The following LMLN variants were observed in gnomAD, a reference collection of about 807,000 sequenced individuals.
LMLN encodes leishmanolysin-like peptidase.
Under a neutral mutation model 92.3 loss-of-function variants are expected in LMLN, and 70 were observed. The observed-to-expected ratio is 0.76, with a 90% CI of 0.63 to 0.92. The LOEUF is 0.92. Among genes scored for constraint, LMLN ranks in the 40% least tolerant of loss-of-function variants. The probability of loss-of-function intolerance (pLI) is 0.00; values close to 1 mark genes in which losing one functional copy is unlikely to be tolerated. For missense variants in LMLN, 691 were observed against 814.6 expected, an observed-to-expected ratio of 0.85 and a Z score of 1.85; for synonymous variants, 308 against 296.2, an observed-to-expected ratio of 1.04 and a Z score of -0.41.
intron 1 of LMLN, among the ~76,000 whole-genome samples, chr3:197,964,654 C>T (rs1027519049): frequency 1.3e-5 from 2 of 151,584 alleles, no homozygotes; most frequent in African/African-American, 4.8e-5. Flanking sequence ...GCCCTGGCCT[C>T]CCAAAGTGCT....
intron 11 of LMLN, among the ~76,000 whole-genome samples, chr3:198,014,984 G>A (rs13100666): frequency 9.3e-5 from 5 of 53,924 alleles, no homozygotes; most frequent in Admixed American, 6.2e-4. Flanking sequence ...TCTCTCCACC[G>A]TTCAGAGCCC....
At chr3:197,983,340 C>G (rs1721610511) in intron 6 of LMLN, among the ~76,000 whole-genome samples, 1 of 152,112 alleles carries the variant, frequency 6.6e-6, no homozygotes, top group Non-Finnish European at 1.5e-5. Context: ...ACTCTGGACT[C>G]TTGAGTCCTA....
chr3:198,027,999 G>T lies in LMLN; in HGVS notation c.1656+3211G>T, dbSNP rs183687776. Among the ~76,000 whole-genome samples, 278 of 152,126 alleles carry T rather than the reference G, an allele frequency of 1.8e-3. 3 individuals are homozygous for T. The highest frequency in any genetic ancestry group is 6.5e-3 in the African/African-American group (270 of 41,486). On this transcript the variant is annotated intron_variant, in intron 14 of 15. Coordinates refer to ENST00000330198, the Ensembl canonical transcript of LMLN. ...GGTTTCTTTTTTATTATTATTAATA[G>T]ACTTTATTTTTTAGAGCAATTTTAG...
chr3:197,964,351 C>T (rs888993479), intron 1 of LMLN, among the ~76,000 whole-genome samples: 1 of 150,684 alleles, frequency 6.6e-6, no homozygotes, highest in Non-Finnish European at 1.5e-5. Flanking sequence ...AATTTTGACA[C>T]TTTGCATTTT....
intron 1 of LMLN, among the ~76,000 whole-genome samples, chr3:197,971,417 C>T (rs1244781868): frequency 6.6e-6 from 1 of 152,220 alleles, no homozygotes; most frequent in African/African-American, 2.4e-5. Flanking sequence ...GAAACACCCC[C>T]ATGATCCAGT....
Position 198,019,447 on chromosome 3 carries a change from C to G in LMLN, c.1365+62C>G. ...TTTTCAAAAGTAGTCTCCATTTTAA[C>G]TAAAAGAGTAAATTCTCTTAAGATT... On this transcript the variant is annotated intron_variant, in intron 12 of 15. Coordinates refer to ENST00000330198, the Ensembl canonical transcript of LMLN. This position sits in a 1 kb window ranked among gnomAD's most constrained non-coding sequence, Gnocchi z 5.5. 1 of 1,478,912 alleles carries G rather than the reference C, an allele frequency of 6.8e-7. No homozygotes were observed. The highest frequency in any genetic ancestry group is 9.1e-7 in the Non-Finnish European group (1 of 1,096,128). The allele number at this position is 1,478,912 out of a possible 1,614,324, so 91.6% of individuals were successfully genotyped here.
intron 9 of LMLN, among the ~76,000 whole-genome samples, chr3:197,991,011 T>C (rs1212239472): frequency 6.6e-6 from 1 of 152,086 alleles, no homozygotes; most frequent in Non-Finnish European, 1.5e-5. Context: ...ACAGAACCAA[T>C]AGGATGTGTG....
intron 12 of LMLN, 100 bp from the exon 14 acceptor site, chr3:198,021,338 ATCTTGTGT>A: frequency 1.2e-6 from 1 of 862,032 alleles, no homozygotes; most frequent in Admixed American, 2.1e-5. Context: ...GTACATTAGT[ATCTTGTGT>A]TATGTGGCAT....
intron 11 of LMLN, among the ~76,000 whole-genome samples, chr3:198,009,137 C>T (rs1014892400): frequency 1.3e-5 from 2 of 152,038 alleles, no homozygotes; most frequent in Non-Finnish European, 1.5e-5. Context: ...TCTGTAGAGT[C>T]TGCTATATCC....
intron 11 of LMLN, among the ~76,000 whole-genome samples, chr3:198,014,925 A>C (rs1722579366): frequency 1.5e-5 from 2 of 135,388 alleles, no homozygotes; most frequent in South Asian, 2.5e-4. Context: ...GAGCCCCCTA[A>C]GTAGTCTGAC....
At chr3:198,036,584 G>C (rs144280382) in intron 15 of LMLN, among the ~76,000 whole-genome samples, 329 of 152,244 alleles carry the variant, frequency 2.2e-3, no homozygotes, top group African/African-American at 7.5e-3. Flanking sequence ...CGTTCTGTGA[G>C]ACTCCAGAGA....
At chr3:198,017,670 G>A (rs1722677093) in intron 11 of LMLN, among the ~76,000 whole-genome samples, 1 of 152,106 alleles carries the variant, frequency 6.6e-6, no homozygotes, top group African/African-American at 2.4e-5. Flanking sequence ...CGTAATCCCA[G>A]CACTTTGGGA....
intron 14 of LMLN, among the ~76,000 whole-genome samples, chr3:198,030,231 T>G (rs1723042678): frequency 6.6e-6 from 1 of 152,196 alleles, no homozygotes; most frequent in Non-Finnish European, 1.5e-5. Context: ...AATAAGAATT[T>G]AGTTGGTTCG....
intron 11 of LMLN, among the ~76,000 whole-genome samples, chr3:198,011,366 A>G (rs1170549370): frequency 6.6e-6 from 1 of 152,128 alleles, no homozygotes; most frequent in Non-Finnish European, 1.5e-5. Context: ...GAGTGAGAAC[A>G]TGCGGTGTTT....
At chr3:198,021,384 A>C in intron 12 of LMLN, 62 bp from the exon 14 acceptor site, 1 of 1,501,400 alleles carries the variant, frequency 6.7e-7, no homozygotes, top group Non-Finnish European at 9.2e-7. Context: ...TTGCCTGTGC[A>C]CTTCCTCAAT....
chr3:198,005,400 C>T (rs1287004477), intron 11 of LMLN, among the ~76,000 whole-genome samples: 1 of 151,996 alleles, frequency 6.6e-6, no homozygotes, highest in Non-Finnish European at 1.5e-5. Flanking sequence ...TCCATAGATG[C>T]TTATGTAAAA....
At chr3:198,000,223 C>T (rs775200346) in intron 11 of LMLN, among the ~76,000 whole-genome samples, 5 of 151,898 alleles carry the variant, frequency 3.3e-5, no homozygotes, top group African/African-American at 4.8e-5. Flanking sequence ...ATCTTTTATA[C>T]AACCCCTACA....
chr3:197,975,886 T>G, intron 3 of LMLN, 143 bp from the exon 4 acceptor site: 1 of 542,614 alleles, frequency 1.8e-6, no homozygotes, highest in South Asian at 2.7e-5. Context: ...TTCCTACCCC[T>G]TGCCATACAA....
chr3:197,965,954 A>G (rs532289082), intron 1 of LMLN, among the ~76,000 whole-genome samples: 6 of 152,302 alleles, frequency 3.9e-5, no homozygotes, highest in Admixed American at 6.5e-5. Flanking sequence ...TCAAGCTTAC[A>G]TGTGTATCTT....
Sources: allele counts gnomAD v4.1 joint callset (sites outside exome capture counted in the v4.1 genomes callset), GRCh38; gene constraint gnomAD v4.1.1; non-coding constraint Gnocchi (gnomAD v3.1); transcripts MANE v1.5; gene names NCBI Gene and HGNC (gene_info 2026-07-23, HGNC 2026-07-21).